The following FAT3 variants were observed in gnomAD, a reference collection of about 807,000 sequenced individuals.
FAT3 encodes protocadherin Fat 3.
Under a neutral mutation model 310.2 loss-of-function variants are expected in FAT3, and 95 were observed. That is an observed-to-expected ratio of 0.31 (90% CI 0.26 to 0.36). The LOEUF is 0.36. FAT3 is among the 10% of genes least tolerant of loss of function. The pLI, the probability that FAT3 is intolerant of heterozygous loss-of-function variation, is 1.00. For missense variants in FAT3, 5,408 were observed against 5,715.6 expected (o/e 0.95, Z 1.74); for synonymous variants, 2,314 against 2,192.9 (o/e 1.06, Z -1.54).
At chr11:92,877,205 G>A (rs576084194) in intron 22 of FAT3, among the ~76,000 whole-genome samples, 2 of 152,120 alleles carry the variant, frequency 1.3e-5, no homozygotes, top group Admixed American at 6.5e-5. Flanking sequence ...AGAAGGGACC[G>A]AATTCCCAAA....
At chr11:92,275,067 G>A (rs1376449363) in intron 1 of FAT3, among the ~76,000 whole-genome samples, 1 of 152,106 alleles carries the variant, frequency 6.6e-6, no homozygotes. Context: ...AGCAGTAACA[G>A]GGAACTTCTG....
At chr11:92,540,314 G>C (rs112495002) in intron 3 of FAT3, among the ~76,000 whole-genome samples, 1 of 152,096 alleles carries the variant, frequency 6.6e-6, no homozygotes, top group Non-Finnish European at 1.5e-5. Flanking sequence ...GTACCTCCAC[G>C]TCAGTAGCCA....
chr11:92,625,707 C>A (rs1369467706), intron 3 of FAT3, among the ~76,000 whole-genome samples: 1 of 151,638 alleles, frequency 6.6e-6, no homozygotes, highest in Non-Finnish European at 1.5e-5. Flanking sequence ...TTGTCAGCCC[C>A]CAAATCAGGA....
intron 24 of FAT3, among the ~76,000 whole-genome samples, chr11:92,884,970 A>G (rs1312420414): frequency 6.6e-6 from 1 of 152,230 alleles, no homozygotes; most frequent in African/African-American, 2.4e-5. Context: ...GGAGACAAAC[A>G]CTTGCCAACA....
intron 3 of FAT3, among the ~76,000 whole-genome samples, chr11:92,537,312 G>T (rs1014295453): frequency 6.6e-6 from 1 of 152,128 alleles, no homozygotes; most frequent in Non-Finnish European, 1.5e-5. Context: ...AGTTAATCAG[G>T]TCTTGGTGAC....
chr11:92,295,670 C>G (rs1946830262), intron 1 of FAT3, among the ~76,000 whole-genome samples: 1 of 152,034 alleles, frequency 6.6e-6, no homozygotes, highest in African/African-American at 2.4e-5. Flanking sequence ...TTGTTCTCTT[C>G]TTAAGGGAAT....
At chr11:92,763,954 T>C (rs913636308) in intron 5 of FAT3, among the ~76,000 whole-genome samples, 1 of 152,186 alleles carries the variant, frequency 6.6e-6, no homozygotes, top group Non-Finnish European at 1.5e-5. Flanking sequence ...TTGTCACTGT[T>C]TCGAAGGGCT....
chr11:92,655,117 G>A (rs1015218333), intron 3 of FAT3, among the ~76,000 whole-genome samples: 5 of 152,102 alleles, frequency 3.3e-5, no homozygotes, highest in Admixed American at 2.0e-4. Context: ...TACTAAAGTA[G>A]TCACTCTCCC....
At chr11:92,593,446 T>C (rs1254289058) in intron 3 of FAT3, among the ~76,000 whole-genome samples, 2 of 152,102 alleles carry the variant, frequency 1.3e-5, no homozygotes, top group Non-Finnish European at 2.9e-5. Flanking sequence ...CATTTTCTTT[T>C]TTTTTTTTAA....
chr11:92,230,379 C>T lies in FAT3; in HGVS notation c.-18+5205C>T, dbSNP rs182549601. Among the ~76,000 whole-genome samples, 543 of 152,174 alleles carry T rather than the reference C, an allele frequency of 3.6e-3. 4 individuals are homozygous for T. Among genetic ancestry groups the T allele is most frequent in the African/African-American group, 0.012 (491 of 41,504 alleles). On this transcript the variant is annotated intron_variant, in intron 1 of 27. Transcript: ENST00000525166. ...CGTGTTCTTGGCTCACTGCAACCTC[C>T]GCCTCCTGGGTTCAAGTGATTCTCA...
At chr11:92,307,320 T>A (rs1947167486) in intron 1 of FAT3, among the ~76,000 whole-genome samples, 1 of 152,134 alleles carries the variant, frequency 6.6e-6, no homozygotes, top group South Asian at 2.1e-4. Flanking sequence ...TGGAATAGAA[T>A]ATTTCAAAAG....
chr11:92,605,731 T>TG (rs1565451482), intron 3 of FAT3, among the ~76,000 whole-genome samples: 4 of 149,326 alleles, frequency 2.7e-5, no homozygotes, highest in Admixed American at 1.3e-4. Context: ...TTTTTTTTTT[T>TG]TTTTTTTTTT....
intron 21 of FAT3, among the ~76,000 whole-genome samples, chr11:92,862,230 G>C (rs921949955): frequency 4.6e-5 from 7 of 152,192 alleles, no homozygotes; most frequent in African/African-American, 1.7e-4. Context: ...CCATAACTGA[G>C]GTTCCTGGCA....
intron 1 of FAT3, among the ~76,000 whole-genome samples, chr11:92,249,387 A>G (rs1436145464): frequency 2.0e-5 from 3 of 152,160 alleles, no homozygotes; most frequent in Admixed American, 1.3e-4. Context: ...TCACTCATCA[A>G]TCAGTGTTTA....
intron 1 of FAT3, among the ~76,000 whole-genome samples, chr11:92,338,898 A>G (rs1178183738): frequency 6.6e-6 from 1 of 152,042 alleles, no homozygotes; most frequent in Non-Finnish European, 1.5e-5. Context: ...TCAGGTTTAC[A>G]TTGTAGGGAT....
chr11:92,828,421 G>A (rs1286803658), intron 13 of FAT3, among the ~76,000 whole-genome samples: 1 of 152,144 alleles, frequency 6.6e-6, no homozygotes, highest in Non-Finnish European at 1.5e-5. Context: ...TTGAGAGGTA[G>A]CAAATCCTAA....
intron 3 of FAT3, among the ~76,000 whole-genome samples, chr11:92,600,742 CAG>C (rs1377807824): frequency 6.6e-6 from 1 of 151,970 alleles, no homozygotes; most frequent in Non-Finnish European, 1.5e-5. Context: ...AATAACATTT[CAG>C]AGAGTGAAAA....
In FAT3 at chr11:92,442,105, A is replaced by ATTTTTT. The variant is rs1565320166; in HGVS notation, c.3293-82528_3293-82527insTTTTTT. Among the ~76,000 whole-genome samples, 13 of 20,352 alleles carry ATTTTTT rather than the reference A, an allele frequency of 6.4e-4. 1 individual carries two copies. The highest frequency in any genetic ancestry group is 2.1e-3 in the African/African-American group (12 of 5,848). 13.4% of individuals were successfully genotyped at this position (20,352 alleles called of 152,430 possible). On this transcript the variant is annotated intron_variant, in intron 2 of 27. Coordinates refer to ENST00000525166, the MANE Select transcript of FAT3 (RefSeq NM_001367949.2). ...TTTATATATATATATATATATATATATATATATTTTTTTTTTTTTTTTTTT... is the reference window on the plus strand; with the variant it reads ...TTTATATATATATATATATATATATATTTTTTTATATATTTTTTTTTTTTTTTTTTT...
At position 92,562,826 on chromosome 11, in the gene FAT3, A is replaced by G. The variant is rs75774541; in HGVS notation, c.3607+37878A>G. ...GAAAATTTGCCTGGATTTTTCTTATATCTGGCCCTCAACAGATTGGATGCT... is the reference window on the plus strand; with the variant it reads ...GAAAATTTGCCTGGATTTTTCTTATGTCTGGCCCTCAACAGATTGGATGCT... On this transcript the variant is annotated intron_variant, in intron 3 of 27. Transcript: ENST00000525166. Among the ~76,000 whole-genome samples the G allele has an allele frequency of 6.4e-3, 978 of 152,306 alleles. 10 individuals carry two copies. Among genetic ancestry groups the G allele is most frequent in the Middle Eastern group, 0.02 (6 of 294 alleles).
Sources: allele counts gnomAD v4.1 joint callset (sites outside exome capture counted in the v4.1 genomes callset), GRCh38; gene constraint gnomAD v4.1.1; transcripts MANE v1.5; gene names NCBI Gene and HGNC (gene_info 2026-07-23, HGNC 2026-07-21).